Variants in PCDH15 observed in about 807,000 individuals in gnomAD.
PCDH15 encodes protocadherin related 15.
Under a neutral mutation model 178.5 loss-of-function variants are expected in PCDH15, and 129 were observed. The ratio of observed to expected loss-of-function variants is 0.72; its 90% confidence interval spans 0.63 to 0.84. The LOEUF (loss-of-function observed/expected upper bound fraction) is 0.84. Among genes scored for constraint, PCDH15 ranks in the 40% least tolerant of loss-of-function variants. The pLI is 0.00. For synonymous variants in PCDH15, 800 were observed against 732.0 expected, an observed-to-expected ratio of 1.09 and a Z score of -1.50; for missense variants, 2,230 against 2,099.9, an observed-to-expected ratio of 1.06 and a Z score of -1.21.
chr10:54,383,068 A>G (rs1949430113), intron 3 of PCDH15, among the ~76,000 whole-genome samples: 1 of 152,038 alleles, frequency 6.6e-6, no homozygotes, highest in African/African-American at 2.4e-5. Flanking sequence ...AATGAATAAC[A>G]TTTTTCATCC....
chr10:54,897,853 G>C (rs980996654), intron 2 of PCDH15, among the ~76,000 whole-genome samples: 1 of 151,936 alleles, frequency 6.6e-6, no homozygotes, highest in South Asian at 2.1e-4. Flanking sequence ...GATTTGATAT[G>C]CTAGATATTT....
chr10:55,484,441 G>T (rs765226597), intron 2 of PCDH15, among the ~76,000 whole-genome samples: 2 of 151,666 alleles, frequency 1.3e-5, no homozygotes, highest in Non-Finnish European at 2.9e-5. Context: ...TGAAGTGGAA[G>T]AATTAATATT....
upstream of PCDH15, among the ~76,000 whole-genome samples, chr10:54,804,471 C>T (rs557736751): frequency 6.6e-6 from 1 of 152,186 alleles, no homozygotes; most frequent in South Asian, 2.1e-4. Context: ...AGAGACCATG[C>T]TGAATCTTTC....
intron 8 of PCDH15, among the ~76,000 whole-genome samples, chr10:54,238,314 C>A (rs987520218): frequency 5.3e-5 from 8 of 151,734 alleles, no homozygotes; most frequent in Middle Eastern, 3.4e-3. Flanking sequence ...TGATGGCATG[C>A]TAAAAAAAGA....
Position 55,101,142 on chromosome 10 carries a change from G to A in PCDH15, c.-80+65434C>T, listed in dbSNP as rs1405892939. Among the ~76,000 whole-genome samples the A allele has an allele frequency of 2.0e-5, 3 of 152,048 alleles. No homozygotes were observed. The South Asian group carries it at 6.2e-4, about 31-fold the overall frequency. On this transcript the variant is annotated intron_variant, in intron 2 of 5. Coordinates refer to the PCDH15 transcript ENST00000458638. Reference sequence around the variant, plus strand: ...GCCTATAATCCCAGCACTTTGGGAGGCAGAGGCGAGCGGATCACCTGAGGT... The same window carrying A: ...GCCTATAATCCCAGCACTTTGGGAGACAGAGGCGAGCGGATCACCTGAGGT...
chr10:54,051,846 C>T (rs938625011), intron 18 of PCDH15, among the ~76,000 whole-genome samples: 1 of 152,130 alleles, frequency 6.6e-6, no homozygotes, highest in Admixed American at 6.5e-5. Flanking sequence ...TGGGTCAGGT[C>T]CAGGGCCCAC....
At chr10:55,619,040 G>T (rs1314358077) in intron 2 of PCDH15, among the ~76,000 whole-genome samples, 1 of 152,000 alleles carries the variant, frequency 6.6e-6, no homozygotes, top group Admixed American at 6.6e-5. Context: ...TAAATAAACT[G>T]TGTCAACACT....
intron 2 of PCDH15, among the ~76,000 whole-genome samples, chr10:55,513,789 A>G (rs1840945112): frequency 6.6e-6 from 1 of 152,102 alleles, no homozygotes; most frequent in Admixed American, 6.6e-5. Context: ...ATTGCTAACT[A>G]TATATTAGCA....
chr10:53,874,817 T>C (rs2080110249), intron 26 of PCDH15, among the ~76,000 whole-genome samples: 1 of 152,112 alleles, frequency 6.6e-6, no homozygotes, highest in Non-Finnish European at 1.5e-5. Flanking sequence ...CAAATATGGT[T>C]AATACATTTC....
chr10:54,990,084 G>A (rs545168679), intron 2 of PCDH15, among the ~76,000 whole-genome samples: 5 of 152,248 alleles, frequency 3.3e-5, no homozygotes, highest in African/African-American at 9.6e-5. Flanking sequence ...GGAACTGTGG[G>A]TTCTCCATTA....
At chr10:53,891,565 T>C (rs767866102) in intron 26 of PCDH15, among the ~76,000 whole-genome samples, 3 of 152,188 alleles carry the variant, frequency 2.0e-5, no homozygotes, top group Non-Finnish European at 4.4e-5. Flanking sequence ...GCAAAATTAT[T>C]TGGCCATTTA....
At chr10:54,813,008 T>C (rs925995803) in intron 3 of PCDH15, among the ~76,000 whole-genome samples, 2 of 152,184 alleles carry the variant, frequency 1.3e-5, no homozygotes, top group African/African-American at 2.4e-5. Flanking sequence ...GATGCTTCAA[T>C]TTCCAATCTT....
intron 2 of PCDH15, among the ~76,000 whole-genome samples, chr10:54,543,105 GC>G (rs1311231497): frequency 6.6e-6 from 1 of 152,022 alleles, no homozygotes; most frequent in Admixed American, 6.5e-5. Flanking sequence ...GAGAGCCGTG[GC>G]CCCCCAAAAC....
intron 1 of PCDH15, among the ~76,000 whole-genome samples, chr10:55,277,278 T>C (rs1842618482): frequency 6.6e-6 from 1 of 152,100 alleles, no homozygotes; most frequent in African/African-American, 2.4e-5. Flanking sequence ...ACCCAGCCAG[T>C]CTTTTTTTCA....
intron 10 of PCDH15, among the ~76,000 whole-genome samples, chr10:54,196,434 G>A (rs1329028256): frequency 6.6e-6 from 1 of 152,140 alleles, no homozygotes; most frequent in African/African-American, 2.4e-5. Context: ...GAGCCACCGC[G>A]CCCAGCCAAA....
chr10:54,568,198 T>C (rs2089307937), intron 2 of PCDH15, among the ~76,000 whole-genome samples: 1 of 152,028 alleles, frequency 6.6e-6, no homozygotes, highest in South Asian at 2.1e-4. Context: ...CCCATGTTAG[T>C]AAGGCCTGTG....
intron 2 of PCDH15, among the ~76,000 whole-genome samples, chr10:54,555,809 A>G (rs549606026): frequency 6.6e-6 from 1 of 151,952 alleles, no homozygotes; most frequent in Non-Finnish European, 1.5e-5. Flanking sequence ...TCATAATCAT[A>G]TCACACCTAA....
chr10:55,607,069 T>C (rs1180328573), intron 2 of PCDH15, among the ~76,000 whole-genome samples: 8 of 151,820 alleles, frequency 5.3e-5, no homozygotes, highest in East Asian at 1.9e-4. Flanking sequence ...CAAACAACCC[T>C]ATCAAAAAGT....
At chr10:54,184,995 C>T in intron 12 of PCDH15, 139 bp downstream of exon 12, 1 of 996,934 alleles carries the variant, frequency 1.0e-6, no homozygotes, top group Non-Finnish European at 1.5e-6. Context: ...TTGATCTTCT[C>T]TCTGGTATTG....
Sources: gnomAD v4.1 joint callset for allele counts (sites outside exome capture counted in the v4.1 genomes callset) on GRCh38, gnomAD v4.1.1 for gene constraint, MANE v1.5 for transcripts, NCBI Gene and HGNC (gene_info 2026-07-23, HGNC 2026-07-21) for gene names.